PCSK1: variants seen among roughly 807,000 people sequenced by gnomAD.
PCSK1 encodes the protein neuroendocrine convertase 1.
Under a neutral mutation model 90.6 loss-of-function variants are expected in PCSK1, and 56 were observed. That is an observed-to-expected ratio of 0.62 (90% CI 0.50 to 0.77). PCSK1 has a LOEUF of 0.77. Ranked by LOEUF, PCSK1 falls within the 30% of genes least tolerant of loss-of-function variation. The probability of loss-of-function intolerance (pLI) is 0.00; values close to 1 mark genes in which losing one functional copy is unlikely to be tolerated. For synonymous variants in PCSK1, 348 were observed against 342.4 expected (o/e 1.02, Z -0.18); for missense variants, 801 against 932.6 (o/e 0.86, Z 1.84).
Position 96,426,512 on chromosome 5 carries a change from C to T in PCSK1, c.286-582G>A, listed in dbSNP as rs140019818. Among the ~76,000 whole-genome samples the T allele has an allele frequency of 4.6e-3, 702 of 152,230 alleles. 6 individuals carry two copies. Among genetic ancestry groups the T allele is most frequent in the South Asian group, 0.014 (66 of 4,828 alleles). On this transcript the variant is annotated intron_variant, in intron 2 of 13. Transcript: ENST00000311106. The stretch of plus-strand genomic sequence containing the variant: ...ACACAGATCCTGGGTGATGAATGAG[C>T]ACTACTGACCACGCACACTTACCAT...
Position 96,433,093 on chromosome 5 carries a change from C to A in PCSK1, c.-51G>T, listed in dbSNP as rs1440122985. The A allele has an allele frequency of 1.9e-6, 3 of 1,565,546 alleles. No individual in the cohort carries two copies. The highest frequency in any genetic ancestry group is 2.6e-6 in the Non-Finnish European group (3 of 1,136,402). On this transcript the variant is annotated 5_prime_UTR_variant, in exon 1 of 14. Coordinates refer to ENST00000311106, the MANE Select transcript of PCSK1 (RefSeq NM_000439.5). ...GTGGGAAGGGAAGAGGAAAAAGAAG[C>A]AAGATAGGAGAAAAGCCAGACAGAC... is the stretch of plus-strand genomic sequence containing the variant.
intron 5 of PCSK1, among the ~76,000 whole-genome samples, chr5:96,418,826 T>C (rs1761017983): frequency 6.6e-6 from 1 of 152,194 alleles, no homozygotes; most frequent in South Asian, 2.1e-4. Flanking sequence ...TTGCTCATTA[T>C]GTCATTTCCA....
intron 5 of PCSK1, among the ~76,000 whole-genome samples, chr5:96,420,408 A>T (rs1472402136): frequency 6.6e-6 from 1 of 152,128 alleles, no homozygotes; most frequent in East Asian, 1.9e-4. Context: ...AAACACTCCC[A>T]CTTTGCTCCA....
In PCSK1 at chr5:96,424,688, T is replaced by A. The variant is rs142055847; in HGVS notation, c.396+1132A>T. 2.4e-3 allele frequency among the ~76,000 whole-genome samples: 365 copies of A among 152,204 alleles called. 3 individuals carry two copies. The highest frequency in any genetic ancestry group is 8.4e-3 in the African/African-American group (348 of 41,542). The stretch of plus-strand genomic sequence containing the variant: ...CTTAAGATAGTGGCAAGAGGCCCGG[T>A]GCGGTGGCTCATGCCTGTAATCCCA... On this transcript the variant is annotated intron_variant, in intron 3 of 13. Coordinates refer to ENST00000311106, the MANE Select transcript of PCSK1 (RefSeq NM_000439.5).
chr5:96,418,191 C>A (rs1760994504), intron 5 of PCSK1, among the ~76,000 whole-genome samples: 2 of 152,192 alleles, frequency 1.3e-5, no homozygotes, highest in South Asian at 4.1e-4. Flanking sequence ...CAGGTTCCAC[C>A]TCCAAACGTT....
At chr5:96,405,322 T>C (rs1760524461) in intron 9 of PCSK1, among the ~76,000 whole-genome samples, 1 of 152,128 alleles carries the variant, frequency 6.6e-6, no homozygotes, top group East Asian at 1.9e-4. Flanking sequence ...TATAAGCCAT[T>C]CCCCAGAAAT....
chr5:96,424,970 AAAGAAAGATAG>A (rs1356102486), intron 3 of PCSK1, among the ~76,000 whole-genome samples: 1 of 148,480 alleles, frequency 6.7e-6, no homozygotes, highest in African/African-American at 2.6e-5. Context: ...TCAAAAAAAA[AAAGAAAGATAG>A]AAAGAAAGAA....
At position 96,399,877 on chromosome 5, in the gene PCSK1, T is replaced by A. The variant is rs114268604; in HGVS notation, c.1430+76A>T. On this transcript the variant is annotated intron_variant, in intron 10 of 13. Transcript: ENST00000311106. ...CTTCAGAAGGGTAGATACAAAAAAA[T>A]CAGGCAGAATGGCAAACATAGTAAT... The A allele has an allele frequency of 1.4e-3, 1,673 of 1,167,476 alleles. 5 individuals are homozygous for A. The highest frequency in any genetic ancestry group is 1.9e-3 in the Non-Finnish European group (1,496 of 788,370). 72.3% of individuals were successfully genotyped at this position (1,167,476 alleles called of 1,614,324 possible).
At chr5:96,411,153 G>A (rs1760741481) in intron 7 of PCSK1, among the ~76,000 whole-genome samples, 167 bp from the exon 8 acceptor site, 1 of 152,184 alleles carries the variant, frequency 6.6e-6, no homozygotes, top group South Asian at 2.1e-4. Flanking sequence ...ATCTCACAAG[G>A]CTGTGTATTA....
intron 9 of PCSK1, among the ~76,000 whole-genome samples, chr5:96,402,119 G>T (rs1291092685): frequency 6.6e-6 from 1 of 152,180 alleles, no homozygotes; most frequent in Non-Finnish European, 1.5e-5. Flanking sequence ...TCTCCCCAGA[G>T]CCCATCATGT....
At chr5:96,421,774 C>T (rs1761135743) in intron 5 of PCSK1, 106 bp downstream of exon 5, 1 of 784,130 alleles carries the variant, frequency 1.3e-6, no homozygotes, top group African/African-American at 1.7e-5. Flanking sequence ...TGTGCATTAA[C>T]ATTTCCTGAG....
intron 8 of PCSK1, among the ~76,000 whole-genome samples, chr5:96,408,536 C>A (rs1760648336): frequency 6.6e-6 from 1 of 152,188 alleles, no homozygotes; most frequent in Non-Finnish European, 1.5e-5. Flanking sequence ...ATAATTCTGG[C>A]AGCAAGATGC....
chr5:96,423,847 C>G (rs915262766), intron 3 of PCSK1, among the ~76,000 whole-genome samples: 2 of 152,172 alleles, frequency 1.3e-5, no homozygotes, highest in Non-Finnish European at 2.9e-5. Flanking sequence ...TCTCCATTGC[C>G]ACATTGAGCT....
chr5:96,432,725 AG>A, intron 1 of PCSK1, 137 bp downstream of exon 1: 1 of 695,522 alleles, frequency 1.4e-6, no homozygotes, highest in Non-Finnish European at 2.5e-6. Flanking sequence ...GACAGGGGCG[AG>A]GGCTGGAGCA....
intron 9 of PCSK1, among the ~76,000 whole-genome samples, chr5:96,406,106 C>T (rs1385588322): frequency 1.3e-5 from 2 of 152,124 alleles, no homozygotes; most frequent in Non-Finnish European, 2.9e-5. Flanking sequence ...TGCAGGCTGA[C>T]ATTTTCAATC....
intron 4 of PCSK1, 35 bp from the exon 5 acceptor site, chr5:96,421,991 A>AT: frequency 1.6e-6 from 1 of 631,848 alleles, no homozygotes; most frequent in Non-Finnish European, 2.6e-6. Context: ...CTGTGGCAGC[A>AT]TTAAAAAAAA....
Position 96,431,635 on chromosome 5 carries a change from C to T in PCSK1, c.180+1228G>A, listed in dbSNP as rs546285430. Among the ~76,000 whole-genome samples, 6 of 152,260 alleles carry T rather than the reference C, an allele frequency of 3.9e-5. No individual in the cohort carries two copies. The South Asian group carries it at 1.2e-3, about 32-fold the overall frequency. On this transcript the variant is annotated intron_variant, in intron 1 of 13. Transcript: ENST00000311106. The stretch of plus-strand genomic sequence containing the variant: ...GCTGCTGGGACACCAGGAAGCCAAT[C>T]TGCATTGATTTTCCTTTCGGGCATT...
Position 96,397,054 on chromosome 5 carries a change from G to A in PCSK1, c.1722+282C>T, listed in dbSNP as rs1253825147. Among the ~76,000 whole-genome samples the A allele has an allele frequency of 5.3e-5, 8 of 152,326 alleles. No homozygotes were observed. The South Asian group carries it at 1.4e-3, about 28-fold the overall frequency. On this transcript the variant is annotated intron_variant, in intron 12 of 13. Transcript: ENST00000311106. ...GGCTGAATAGGTTAGATGGCTGGCT[G>A]CATGCAGACATGGGAACACCTGGAT...
chr5:96,431,561 C>A (rs1761497441), intron 1 of PCSK1, among the ~76,000 whole-genome samples: 1 of 152,182 alleles, frequency 6.6e-6, no homozygotes, highest in African/African-American at 2.4e-5. Flanking sequence ...GCCCCTAACA[C>A]GGAGCCTGGC....
Sources: gnomAD v4.1 joint callset for allele counts (sites outside exome capture counted in the v4.1 genomes callset) on GRCh38, gnomAD v4.1.1 for gene constraint, MANE v1.5 for transcripts, NCBI Gene and HGNC (gene_info 2026-07-23, HGNC 2026-07-21) for gene names.